PLCB4: variants seen among roughly 807,000 people sequenced by gnomAD.
The protein encoded by PLCB4 is phospholipase C beta 4, also known as 1-phosphatidylinositol 4,5-bisphosphate phosphodiesterase beta-4.
PLCB4 carries 77 observed loss-of-function variants against 178.8 expected under a neutral mutation model. That is an observed-to-expected ratio of 0.43 (90% CI 0.36 to 0.52). The LOEUF (loss-of-function observed/expected upper bound fraction) is 0.52, where lower values mean the gene tolerates loss of function less well. Among genes scored for constraint, PLCB4 ranks in the 20% least tolerant of loss-of-function variants. The probability of loss-of-function intolerance (pLI) is 0.00; values close to 1 mark genes in which losing one functional copy is unlikely to be tolerated. For synonymous variants in PLCB4, 496 were observed against 490.8 expected (o/e 1.01, Z -0.14); for missense variants, 1,024 against 1,453.4 (o/e 0.70, Z 4.80).
rs374743256 is a variant in PLCB4, at chr20:9,106,539, GCA to G, written c.-79+10218_-79+10219del. Among the ~76,000 whole-genome samples, 56 of 143,932 alleles carry G rather than the reference GCA, an allele frequency of 3.9e-4. 1 individual carries two copies. Among genetic ancestry groups the G allele is most frequent in the South Asian group, 1.3e-3 (6 of 4,504 alleles). 94.4% of individuals were successfully genotyped at this position (143,932 alleles called of 152,430 possible). A position where few individuals can be genotyped will look rare whatever the true frequency, so the allele number is the denominator to read the frequency against. On this transcript the variant is annotated intron_variant, in intron 2 of 39. Coordinates refer to ENST00000378473, the MANE Select transcript of PLCB4 (RefSeq NM_001377142.1). Reference sequence around the variant, plus strand: ...ATAAAATATCAAATATGACACACATGCACACACACACACACACACACAAAATG... The same window carrying G: ...ATAAAATATCAAATATGACACACATGCACACACACACACACACACAAAATG...
chr20:9,086,517 A>G (rs998087495), intron 1 of PLCB4, among the ~76,000 whole-genome samples: 1 of 152,116 alleles, frequency 6.6e-6, no homozygotes, highest in Non-Finnish European at 1.5e-5. Context: ...AGGTGGCAGT[A>G]TCCTCATTCT....
intron 3 of PLCB4, among the ~76,000 whole-genome samples, chr20:9,218,152 C>G (rs541918982): frequency 3.4e-4 from 52 of 152,198 alleles, no homozygotes; most frequent in Admixed American, 5.9e-4. Flanking sequence ...GCTCTGTCAC[C>G]CAGGCTGGAG....
chr20:9,293,975 G>A (rs2147782885), intron 3 of PLCB4, among the ~76,000 whole-genome samples: 1 of 152,254 alleles, frequency 6.6e-6, no homozygotes, highest in South Asian at 2.1e-4. Context: ...ATACAGAGAG[G>A]AGAATGTAAA....
At chr20:9,286,986 G>A (rs1165390851) in intron 3 of PLCB4, among the ~76,000 whole-genome samples, 2 of 151,960 alleles carry the variant, frequency 1.3e-5, no homozygotes, top group African/African-American at 4.8e-5. Flanking sequence ...GTGATGTTTT[G>A]AGATAGTGGG....
intron 7 of PLCB4, among the ~76,000 whole-genome samples, chr20:9,340,706 G>A (rs955520154): frequency 1.7e-4 from 26 of 152,226 alleles, no homozygotes; most frequent in Admixed American, 1.6e-3. Flanking sequence ...CATTGCCTGG[G>A]TTCAAATCCT....
intron 3 of PLCB4, among the ~76,000 whole-genome samples, chr20:9,291,084 T>G (rs1334518285): frequency 6.6e-6 from 1 of 152,150 alleles, no homozygotes; most frequent in Non-Finnish European, 1.5e-5. Flanking sequence ...TAATTTAATA[T>G]TAATTGTGGA....
At chr20:9,266,654 C>T (rs2094352457) in intron 3 of PLCB4, among the ~76,000 whole-genome samples, 2 of 152,084 alleles carry the variant, frequency 1.3e-5, no homozygotes, top group Non-Finnish European at 1.5e-5. Flanking sequence ...TTGAAAGCTG[C>T]CATTTCAGTC....
At position 9,371,095 on chromosome 20, in the gene PLCB4, T is replaced by C; in HGVS notation, c.504-119T>C. 3 of 703,868 alleles carry C rather than the reference T, an allele frequency of 4.3e-6. No individual in the cohort carries two copies. The Admixed American group carries it at 6.3e-5, about 15-fold the overall frequency. 43.6% of individuals were successfully genotyped at this position (703,868 alleles called of 1,614,324 possible). A position where few individuals can be genotyped will look rare whatever the true frequency, so the allele number is the denominator to read the frequency against. On this transcript the variant is annotated intron_variant, in intron 9 of 39. Transcript: ENST00000378473. The stretch of plus-strand genomic sequence containing the variant: ...AAAAACATCTGCAATGAGAGGTAAT[T>C]TTATTCTCCTCTTCCTTTTACCCTA...
At chr20:9,091,992 A>C (rs1026931746) in intron 1 of PLCB4, among the ~76,000 whole-genome samples, 5 of 152,164 alleles carry the variant, frequency 3.3e-5, no homozygotes, top group Non-Finnish European at 7.4e-5. Context: ...AGATAATAGA[A>C]GTTACTGTAG....
intron 2 of PLCB4, among the ~76,000 whole-genome samples, chr20:9,161,612 A>T (rs2092888984): frequency 6.6e-6 from 1 of 152,202 alleles, no homozygotes; most frequent in African/African-American, 2.4e-5. Flanking sequence ...CTGTGAAATA[A>T]ATTTTATTTT....
intron 3 of PLCB4, among the ~76,000 whole-genome samples, chr20:9,257,652 T>C (rs1292017561): frequency 6.6e-6 from 1 of 152,172 alleles, no homozygotes; most frequent in East Asian, 1.9e-4. Flanking sequence ...TGGGTACAAA[T>C]GAAGAAGCCA....
chr20:9,452,353 T>G (rs1300890552), intron 32 of PLCB4, among the ~76,000 whole-genome samples: 1 of 152,226 alleles, frequency 6.6e-6, no homozygotes, highest in African/African-American at 2.4e-5. Flanking sequence ...AGGCACTATT[T>G]TCTTCAATAA....
chr20:9,318,782 C>A (rs2094928257), intron 4 of PLCB4, among the ~76,000 whole-genome samples: 1 of 152,230 alleles, frequency 6.6e-6, no homozygotes. Flanking sequence ...TCATAAGGAA[C>A]TAGCTGAGGA....
intron 4 of PLCB4, among the ~76,000 whole-genome samples, chr20:9,323,181 C>T (rs1036337296): frequency 6.6e-6 from 1 of 152,182 alleles, no homozygotes; most frequent in Non-Finnish European, 1.5e-5. Context: ...GACCTCAGGG[C>T]CTTTACACTT....
intron 2 of PLCB4, among the ~76,000 whole-genome samples, chr20:9,202,395 A>G (rs2093557945): frequency 6.6e-6 from 1 of 152,230 alleles, no homozygotes; most frequent in Admixed American, 6.5e-5. Context: ...ATAAATAATT[A>G]TCTTGATTTT....
intron 4 of PLCB4, among the ~76,000 whole-genome samples, chr20:9,330,664 A>C (rs929465904): frequency 6.6e-6 from 1 of 152,234 alleles, no homozygotes; most frequent in Admixed American, 6.5e-5. Flanking sequence ...CACTAACCAC[A>C]TTGTGGCTGT....
intron 3 of PLCB4, among the ~76,000 whole-genome samples, chr20:9,245,363 T>G (rs1169406904): frequency 2.0e-5 from 3 of 152,116 alleles, no homozygotes; most frequent in Admixed American, 2.0e-4. Context: ...GCTCACAAAA[T>G]CCATGTCAAA....
At chr20:9,221,061 CACAAGTGGTT>C (rs1355274317) in intron 3 of PLCB4, among the ~76,000 whole-genome samples, 4 of 152,170 alleles carry the variant, frequency 2.6e-5, no homozygotes, top group Non-Finnish European at 5.9e-5. Context: ...AGGATTTCTG[CACAAGTGGTT>C]TATCAAGGCA....
intron 1 of PLCB4, among the ~76,000 whole-genome samples, chr20:9,078,322 A>G (rs1001981760): frequency 6.6e-6 from 1 of 150,844 alleles, no homozygotes; most frequent in East Asian, 2.0e-4. Context: ...AAAGGACTAT[A>G]TAAATTAGAA....
Sources: gnomAD v4.1 joint callset for allele counts (sites outside exome capture counted in the v4.1 genomes callset) on GRCh38, gnomAD v4.1.1 for gene constraint, MANE v1.5 for transcripts, NCBI Gene and HGNC (gene_info 2026-07-23, HGNC 2026-07-21) for gene names.